Variants in GUCY1A2 observed in about 807,000 individuals in gnomAD.
GUCY1A2 encodes guanylate cyclase 1 soluble subunit alpha 2.
Under a neutral mutation model 63.5 loss-of-function variants are expected in GUCY1A2, and 27 were observed. That is an observed-to-expected ratio of 0.43 (90% CI 0.31 to 0.59). GUCY1A2 has a LOEUF of 0.59. GUCY1A2 is among the 20% of genes least tolerant of loss of function. The pLI is 0.11. For synonymous variants in GUCY1A2, 364 were observed against 343.5 expected, an observed-to-expected ratio of 1.06 and a Z score of -0.66; for missense variants, 768 against 913.3, an observed-to-expected ratio of 0.84 and a Z score of 2.05.
In GUCY1A2 at chr11:106,944,215, C is replaced by CAAAAAAAAAAAAAAA. The variant is rs71041701; in HGVS notation, c.488-4052_488-4038dup. Among the ~76,000 whole-genome samples the CAAAAAAAAAAAAAAA allele has an allele frequency of 9.0e-3, 194 of 21,554 alleles. 36 individuals carry two copies. The highest frequency in any genetic ancestry group is 0.023 in the African/African-American group (98 of 4,296). 14.1% of individuals were successfully genotyped at this position (21,554 alleles called of 152,430 possible). A position where few individuals can be genotyped will look rare whatever the true frequency, so the allele number is the denominator to read the frequency against. ...GGGCAACAGAGTGAGACCCTGTCTC[C>CAAAAAAAAAAAAAAA]AAAAAAAAAAAAAAAAAAAAAGCAG... On this transcript the variant is annotated intron_variant, in intron 3 of 7. Coordinates refer to ENST00000526355, the MANE Select transcript of GUCY1A2 (RefSeq NM_000855.3).
At chr11:106,819,694 A>G (rs1035675952) in intron 4 of GUCY1A2, among the ~76,000 whole-genome samples, 7 of 152,244 alleles carry the variant, frequency 4.6e-5, no homozygotes, top group African/African-American at 1.7e-4. Flanking sequence ...AAAGCAAAAA[A>G]TATTGTGTGA....
intron 7 of GUCY1A2, among the ~76,000 whole-genome samples, chr11:106,706,570 T>C (rs186229070): frequency 4.0e-5 from 6 of 150,536 alleles, no homozygotes; most frequent in African/African-American, 1.5e-4. Flanking sequence ...AATACATCAC[T>C]ATGTAAACAA....
intron 6 of GUCY1A2, among the ~76,000 whole-genome samples, chr11:106,734,346 C>T (rs1863553376): frequency 6.6e-6 from 1 of 152,034 alleles, no homozygotes; most frequent in Non-Finnish European, 1.5e-5. Flanking sequence ...CTTAGCCTGC[C>T]TTGGCCTAAG....
intron 4 of GUCY1A2, among the ~76,000 whole-genome samples, chr11:106,815,392 TG>T (rs1436035768): frequency 1.3e-5 from 2 of 151,950 alleles, no homozygotes; most frequent in African/African-American, 4.8e-5. Context: ...GTCTTAAATT[TG>T]GTGAAAGACA....
intron 1 of GUCY1A2, among the ~76,000 whole-genome samples, chr11:106,991,636 G>T (rs974335262): frequency 6.6e-6 from 1 of 152,182 alleles, no homozygotes; most frequent in African/African-American, 2.4e-5. Flanking sequence ...CAAGTATCAA[G>T]AGAAGTAAGC....
intron 3 of GUCY1A2, among the ~76,000 whole-genome samples, chr11:106,964,848 C>T (rs1027213416): frequency 5.3e-5 from 8 of 151,922 alleles, no homozygotes; most frequent in East Asian, 1.9e-4. Flanking sequence ...GGCGTGGTGG[C>T]GGGCACCTGT....
Position 106,675,557 on chromosome 11 carries a change from C to T in GUCY1A2, c.*11992G>A, listed in dbSNP as rs775300951. On this transcript the variant is annotated 3_prime_UTR_variant, in exon 8 of 8. Coordinates refer to ENST00000526355, the MANE Select transcript of GUCY1A2 (RefSeq NM_000855.3). ...GAGGGAAAAATGGGACTGTGGATTA[C>T]AACTGTTCAAATTTCATCTTAATTT... is the stretch of plus-strand genomic sequence containing the variant. 16 of 195,308 alleles carry T rather than the reference C, an allele frequency of 8.2e-5. No individual in the cohort carries two copies. The highest frequency in any genetic ancestry group is 1.2e-4 in the Non-Finnish European group (11 of 94,114). 12.1% of individuals were successfully genotyped at this position (195,308 alleles called of 1,614,324 possible).
chr11:106,978,400 A>G (rs2120117612), intron 3 of GUCY1A2, among the ~76,000 whole-genome samples: 1 of 152,162 alleles, frequency 6.6e-6, no homozygotes, highest in East Asian at 1.9e-4. Context: ...GAATTTAAGT[A>G]TTTTTGTTTT....
At chr11:106,968,703 G>A (rs992177967) in intron 3 of GUCY1A2, among the ~76,000 whole-genome samples, 17 of 152,364 alleles carry the variant, frequency 1.1e-4, no homozygotes, top group African/African-American at 3.8e-4. Context: ...TTTTCTACCT[G>A]GGAAATGAAG....
intron 5 of GUCY1A2, among the ~76,000 whole-genome samples, chr11:106,784,757 G>A (rs565961086): frequency 1.2e-4 from 18 of 152,200 alleles, no homozygotes; most frequent in Non-Finnish European, 1.6e-4. Flanking sequence ...TTTATGATGC[G>A]AAAGATTAAT....
At chr11:106,765,222 C>T (rs1019472199) in intron 6 of GUCY1A2, among the ~76,000 whole-genome samples, 1 of 151,978 alleles carries the variant, frequency 6.6e-6, no homozygotes, top group Non-Finnish European at 1.5e-5. Flanking sequence ...GCCTTTCAAC[C>T]TCACTTCCCT....
chr11:106,903,985 T>C (rs1201235038), intron 4 of GUCY1A2, among the ~76,000 whole-genome samples: 3 of 152,162 alleles, frequency 2.0e-5, no homozygotes, highest in Non-Finnish European at 2.9e-5. Flanking sequence ...ATAAAGGACA[T>C]TGGAATAACC....
chr11:106,867,543 A>G (rs1464595700), intron 4 of GUCY1A2, among the ~76,000 whole-genome samples: 1 of 152,068 alleles, frequency 6.6e-6, no homozygotes, highest in Non-Finnish European at 1.5e-5. Context: ...GTTTTAGTAC[A>G]TCCTCATCCA....
chr11:106,881,380 TTTAC>T (rs921452272), intron 4 of GUCY1A2, among the ~76,000 whole-genome samples: 1 of 152,048 alleles, frequency 6.6e-6, no homozygotes, highest in African/African-American at 2.4e-5. Flanking sequence ...AATTATTATA[TTTAC>T]TATTTTTGTT....
At chr11:106,947,925 GAATT>G (rs1389437334) in intron 3 of GUCY1A2, among the ~76,000 whole-genome samples, 9 of 152,018 alleles carry the variant, frequency 5.9e-5, no homozygotes, top group African/African-American at 2.2e-4. Context: ...TATGGAGTAG[GAATT>G]AATAGATAAA....
intron 4 of GUCY1A2, among the ~76,000 whole-genome samples, chr11:106,856,506 TTCTA>T (rs1295467335): frequency 1.3e-5 from 2 of 152,290 alleles, no homozygotes; most frequent in Middle Eastern, 3.4e-3. Flanking sequence ...AGACCATCAG[TTCTA>T]TCTGTTTTTA....
chr11:106,740,966 C>T (rs565014627), intron 6 of GUCY1A2, among the ~76,000 whole-genome samples: 2 of 152,248 alleles, frequency 1.3e-5, no homozygotes, highest in African/African-American at 4.8e-5. Context: ...AGCCACCAAG[C>T]CTGGCTCCAA....
At chr11:106,814,170 A>G (rs1343243923) in intron 4 of GUCY1A2, among the ~76,000 whole-genome samples, 2 of 152,118 alleles carry the variant, frequency 1.3e-5, no homozygotes, top group Admixed American at 1.3e-4. Flanking sequence ...AGTTGTTGCT[A>G]CAGATATAGA....
intron 7 of GUCY1A2, among the ~76,000 whole-genome samples, chr11:106,698,354 C>T (rs1862758847): frequency 6.6e-6 from 1 of 151,324 alleles, no homozygotes; most frequent in South Asian, 2.1e-4. Context: ...AACTCCTGAA[C>T]TCAAGTGATC....
Sources: gnomAD v4.1 joint callset for allele counts (sites outside exome capture counted in the v4.1 genomes callset) on GRCh38, gnomAD v4.1.1 for gene constraint, MANE v1.5 for transcripts, NCBI Gene and HGNC (gene_info 2026-07-23, HGNC 2026-07-21) for gene names.